Variants in MCF2L observed in about 807,000 individuals in gnomAD.
MCF2L encodes the protein guanine nucleotide exchange factor DBS.
In MCF2L, 97 loss-of-function variants were observed where a neutral mutation model predicts 153.4. That is an observed-to-expected ratio of 0.63 (90% confidence interval 0.54 to 0.75). MCF2L has a LOEUF of 0.75. Ranked by LOEUF, MCF2L falls within the 30% of genes least tolerant of loss-of-function variation. The pLI is 0.00. For synonymous variants in MCF2L, 659 were observed against 632.2 expected (o/e 1.04, Z -0.64); for missense variants, 1,347 against 1,495.2 (o/e 0.90, Z 1.64).
At chr13:113,005,246 GAGT>G (rs1489665311) in intron 1 of MCF2L, among the ~76,000 whole-genome samples, 1 of 152,242 alleles carries the variant, frequency 6.6e-6, no homozygotes, top group Admixed American at 6.5e-5. Context: ...ACGGCCTGCT[GAGT>G]AAAACCAGCT....
intron 11 of MCF2L, 36 bp from the exon 12 acceptor site, chr13:113,075,930 C>A (rs757095270): frequency 3.3e-6 from 5 of 1,536,092 alleles, no homozygotes; most frequent in Non-Finnish European, 4.4e-6. Flanking sequence ...CACCCTCTCA[C>A]GGCGTCCTGC....
rs367645891 is a variant in MCF2L at position 112,904,115 on chromosome 13, A to AG, written c.169+1746dup. ...TCGCGTGGACCAGCTCTGGGGACTG[A>AG]GGAGCTGGCCGCGGTTAGGGTTAGG... On this transcript the variant is annotated intron_variant, in intron 2 of 29. Transcript: ENST00000375608. The surrounding 1 kb of genome is among the most constrained non-coding windows in gnomAD (Gnocchi z 4.2). 2.8e-3 allele frequency among the ~76,000 whole-genome samples: 396 copies of AG among 143,904 alleles called. 3 individuals are homozygous for AG. Among genetic ancestry groups the AG allele is most frequent in the African/African-American group, 0.01 (384 of 38,132 alleles). 94.4% of individuals were successfully genotyped at this position (143,904 alleles called of 152,430 possible).
chr13:112,971,400 G>A lies in MCF2L; in HGVS notation c.79+1942G>A, dbSNP rs146104486. On this transcript the variant is annotated intron_variant, in intron 1 of 29. Coordinates refer to ENST00000535094, the MANE Select transcript of MCF2L (RefSeq NM_001112732.3). ...GCCAGGTAAAAGCTGATGGCAACAG[G>A]ACACTGATGTGGCGGCTGGTGTAGG... Among the ~76,000 whole-genome samples, 560 of 152,306 alleles carry A rather than the reference G, an allele frequency of 3.7e-3. 9 individuals are homozygous for A. The highest frequency in any genetic ancestry group is 0.012 in the African/African-American group (519 of 41,566).
rs376800519 is a variant in MCF2L at position 112,895,831 on chromosome 13, G to C, written c.-5+1400G>C. Among the ~76,000 whole-genome samples the C allele has an allele frequency of 5.9e-5, 9 of 152,156 alleles. No individual in the cohort carries two copies. The East Asian group carries it at 1.7e-3, about 29-fold the overall frequency. On this transcript the variant is annotated intron_variant, in intron 1 of 29. Coordinates refer to the MCF2L transcript ENST00000375608. ...TTCACCGGGCTGTGCAGGGGCCCAGGCGTCCCCGATTTCACCGGGCTGTGC... is the reference window on the plus strand; with the variant it reads ...TTCACCGGGCTGTGCAGGGGCCCAGCCGTCCCCGATTTCACCGGGCTGTGC...
rs139218645 is a variant in MCF2L, at chr13:112,920,592, G to A, written c.169+18221G>A. On this transcript the variant is annotated intron_variant, in intron 2 of 29. Coordinates refer to the MCF2L transcript ENST00000375608. ...CACATTGTATGGCCTGCTGCCCTGCGGTTACCGGGCTGCTCTGAAGCTGGA... is the reference window on the plus strand; with the variant it reads ...CACATTGTATGGCCTGCTGCCCTGCAGTTACCGGGCTGCTCTGAAGCTGGA... Among the ~76,000 whole-genome samples, 169 of 152,138 alleles carry A rather than the reference G, an allele frequency of 1.1e-3. 1 individual carries two copies. The highest frequency in any genetic ancestry group is 3.8e-3 in the African/African-American group (157 of 41,490).
At position 113,085,076 on chromosome 13, in the gene MCF2L, T is replaced by G. The variant is rs186373570; in HGVS notation, c.2155-10T>G. 3.1e-4 allele frequency: 500 copies of G among 1,613,600 alleles called. 1 individual carries two copies. The East Asian group carries it at 6.5e-3, about 21-fold the overall frequency. On this transcript the variant is annotated splice_polypyrimidine_tract_variant and intron_variant, in intron 19 of 29. Coordinates refer to ENST00000535094, the MANE Select transcript of MCF2L (RefSeq NM_001112732.3). ...AATTGTGCAAACCAAAGGCTCTGGGTTGGTTCCAGGAATGCCAGAGAAAGC... is the reference window on the plus strand; with the variant it reads ...AATTGTGCAAACCAAAGGCTCTGGGGTGGTTCCAGGAATGCCAGAGAAAGC...
upstream of MCF2L, chr13:112,968,908 TGGC>T: frequency 3.3e-6 from 2 of 597,540 alleles, no homozygotes; most frequent in South Asian, 2.9e-5. Flanking sequence ...TAGGTGACCT[TGGC>T]GGTGACACGA....
rs570634646 is a variant in MCF2L at position 113,031,278 on chromosome 13, C to T, written c.278+6520C>T. Among the ~76,000 whole-genome samples, 3 of 152,024 alleles carry T rather than the reference C, an allele frequency of 2.0e-5. No individual in the cohort carries two copies. The highest frequency in any genetic ancestry group is 2.1e-4 in the South Asian group (1 of 4,792). On this transcript the variant is annotated intron_variant, in intron 3 of 29. Coordinates refer to ENST00000535094, the MANE Select transcript of MCF2L (RefSeq NM_001112732.3). This position sits in a 1 kb window ranked among gnomAD's most constrained non-coding sequence, Gnocchi z 5.5. ...AGATAGAGACAGACAGACAGAGACA[C>T]GGAGACACAGAGATAAAGAGAGCAC... is the stretch of plus-strand genomic sequence containing the variant.
At chr13:112,916,244 G>A (rs2140544698) in intron 2 of MCF2L, among the ~76,000 whole-genome samples, 1 of 148,896 alleles carries the variant, frequency 6.7e-6, no homozygotes, top group Non-Finnish European at 1.5e-5. Flanking sequence ...TTAAGTATTT[G>A]TCCCTTCTCT....
At chr13:113,095,483 G>A (rs768526434) in intron 27 of MCF2L, 1 of 1,068,888 alleles carries the variant, frequency 9.4e-7, no homozygotes. Flanking sequence ...CCTGGGGAGG[G>A]ATTTGGATCT....
intron 9 of MCF2L, among the ~76,000 whole-genome samples, chr13:113,073,311 A>G (rs1036069688): frequency 6.6e-6 from 1 of 152,204 alleles, no homozygotes; most frequent in African/African-American, 2.4e-5. Context: ...GAAGTTTTAT[A>G]CATATCAGTT....
At chr13:113,060,946 A>G (rs1397524046) in intron 5 of MCF2L, among the ~76,000 whole-genome samples, 1 of 151,074 alleles carries the variant, frequency 6.6e-6, no homozygotes, top group East Asian at 2.0e-4. Flanking sequence ...CAGAGCATCA[A>G]CCTCAGAGAG....
chr13:113,066,655 T>C (rs1219789701), intron 8 of MCF2L, among the ~76,000 whole-genome samples: 6 of 152,134 alleles, frequency 3.9e-5, no homozygotes, highest in Non-Finnish European at 1.5e-5. Context: ...GTGGTTGGCA[T>C]GGTGCTCTAG....
chr13:112,905,332 T>C (rs1396397551), intron 2 of MCF2L, among the ~76,000 whole-genome samples: 2 of 151,760 alleles, frequency 1.3e-5, no homozygotes, highest in Non-Finnish European at 2.9e-5. Context: ...CTACTTCAAA[T>C]GGAACAGGGG....
At chr13:113,021,714 A>G (rs1274532228) in intron 2 of MCF2L, among the ~76,000 whole-genome samples, 1 of 152,216 alleles carries the variant, frequency 6.6e-6, no homozygotes, top group Non-Finnish European at 1.5e-5. Flanking sequence ...CTGTGCCCCC[A>G]GCTCCGCGTC....
At chr13:112,998,189 AAC>A (rs1187706745) in intron 1 of MCF2L, among the ~76,000 whole-genome samples, 1 of 152,262 alleles carries the variant, frequency 6.6e-6, no homozygotes, top group Non-Finnish European at 1.5e-5. Context: ...TGTAAAGCAC[AAC>A]ACACAAATAA....
chr13:112,895,040 C>T (rs1356263767), intron 1 of MCF2L, among the ~76,000 whole-genome samples: 1 of 152,144 alleles, frequency 6.6e-6, no homozygotes, highest in Non-Finnish European at 1.5e-5. Context: ...CCACAGGTCC[C>T]CAAACAGACA....
chr13:112,918,954 C>T (rs1388192570), intron 2 of MCF2L, among the ~76,000 whole-genome samples: 2 of 152,192 alleles, frequency 1.3e-5, no homozygotes, highest in Non-Finnish European at 2.9e-5. Flanking sequence ...GCTTCCCCGA[C>T]GCGCGCCCCC....
chr13:112,913,236 TTGTG>T (rs996903596), intron 2 of MCF2L, among the ~76,000 whole-genome samples: 4 of 143,384 alleles, frequency 2.8e-5, no homozygotes, highest in African/African-American at 7.9e-5. Context: ...CTGTGTGTGA[TTGTG>T]TGTGTGTCTG....
Sources: allele counts gnomAD v4.1 joint callset (sites outside exome capture counted in the v4.1 genomes callset), GRCh38; gene constraint gnomAD v4.1.1; non-coding constraint Gnocchi (gnomAD v3.1); transcripts MANE v1.5; gene names NCBI Gene and HGNC (gene_info 2026-07-23, HGNC 2026-07-21).